The following CCDC13 variants were observed in gnomAD, a reference collection of about 807,000 sequenced individuals.
The protein encoded by CCDC13 is coiled-coil domain containing 13, also known as coiled-coil domain-containing protein 13.
Under a neutral mutation model 87.3 loss-of-function variants are expected in CCDC13, and 70 were observed. The observed-to-expected ratio is 0.80, with a 90% CI of 0.66 to 0.98. The LOEUF is 0.98. CCDC13 is among the 50% of genes least tolerant of loss of function. CCDC13 has a pLI of 0.00. For missense variants in CCDC13, 842 were observed against 892.0 expected (o/e 0.94, Z 0.71); for synonymous variants, 317 against 360.3 (o/e 0.88, Z 1.36).
intron 13 of CCDC13, among the ~76,000 whole-genome samples, chr3:42,722,934 C>G (rs1698601773): frequency 6.6e-6 from 1 of 151,536 alleles, no homozygotes; most frequent in Non-Finnish European, 1.5e-5. Flanking sequence ...GTAGCTGGGA[C>G]TACAGGTGCC....
At chr3:42,712,701 G>A (rs966261380) in intron 14 of CCDC13, among the ~76,000 whole-genome samples, 5 of 152,182 alleles carry the variant, frequency 3.3e-5, no homozygotes, top group African/African-American at 1.2e-4. Context: ...AAAACAGAGG[G>A]AGCTTGGGTC....
chr3:42,713,596 T>C (rs1417282205), intron 13 of CCDC13, among the ~76,000 whole-genome samples: 2 of 152,362 alleles, frequency 1.3e-5, no homozygotes, highest in East Asian at 3.9e-4. Context: ...TCTTTTAATA[T>C]TTACTGCCAT....
chr3:42,739,681 G>C lies in CCDC13; in HGVS notation c.1117C>G (p.Leu373Val), dbSNP rs149770741. The change falls in exon 9 of 16, where the codon CTG becomes GTG. Residue 373 changes from leucine to valine, a missense_variant. Leu to Val is a conservative substitution (Grantham distance 32). Coordinates refer to ENST00000310232, the MANE Select transcript of CCDC13 (RefSeq NM_144719.4). ...MKTLKSQMGTLVEKGRHDDEL... is the reference protein window; with the variant it reads ...MKTLKSQMGTVVEKGRHDDEL... ...TCATCATGCCGGCCCTTCTCCACCA[G>C]GGTTCCCATCTGACTCTTGAGGGTC... 222 of 1,614,076 alleles carry C rather than the reference G, an allele frequency of 1.4e-4. No individual in the cohort carries two copies. The highest frequency in any genetic ancestry group is 1.8e-4 in the Non-Finnish European group (213 of 1,180,032).
In CCDC13 at chr3:42,768,611, C is replaced by T. The variant is rs370370844; in HGVS notation, c.-7+4565G>A. Reference sequence around the variant, plus strand: ...ACTCGGAAGGCTGAGGCAGGAGAATCGCTTGAACCCGGGAGGTGGAGGTTG... The same window carrying T: ...ACTCGGAAGGCTGAGGCAGGAGAATTGCTTGAACCCGGGAGGTGGAGGTTG... On this transcript the variant is annotated intron_variant, in intron 1 of 15. Coordinates refer to ENST00000310232, the MANE Select transcript of CCDC13 (RefSeq NM_144719.4). Among the ~76,000 whole-genome samples, 49 of 151,904 alleles carry T rather than the reference C, an allele frequency of 3.2e-4. 1 individual carries two copies. The highest frequency in any genetic ancestry group is 3.1e-3 in the South Asian group (15 of 4,794).
At chr3:42,714,151 C>A (rs1374147809) in intron 13 of CCDC13, 1 of 152,242 alleles carries the variant, frequency 6.6e-6, no homozygotes, top group African/African-American at 2.4e-5. Flanking sequence ...TCCTCCACAG[C>A]AACTCTCTGA....
rs1699374863 is a variant in CCDC13 at position 42,745,773 on chromosome 3, TAAA to T, written c.825+147_825+149del. On this transcript the variant is annotated intron_variant, in intron 7 of 15. Transcript: ENST00000310232. ...AAAATCAGGCTGGTTGGCGAGAAGG[TAAA>T]ACAACAACCCCGCACGAGTGCACTG... 3 of 539,372 alleles carry T rather than the reference TAAA, an allele frequency of 5.6e-6. No homozygotes were observed. The South Asian group carries it at 9.7e-5, about 17-fold the overall frequency. 33.4% of individuals were successfully genotyped at this position (539,372 alleles called of 1,614,324 possible). A position where few individuals can be genotyped will look rare whatever the true frequency, so the allele number is the denominator to read the frequency against.
chr3:42,760,292 C>A (rs935508746), intron 1 of CCDC13, among the ~76,000 whole-genome samples: 7 of 144,770 alleles, frequency 4.8e-5, no homozygotes, highest in African/African-American at 1.3e-4. Flanking sequence ...ATTCTTGTCT[C>A]TAAATAAATA....
intron 1 of CCDC13, among the ~76,000 whole-genome samples, chr3:42,760,499 C>A (rs1699808097): frequency 6.6e-6 from 1 of 152,112 alleles, no homozygotes; most frequent in East Asian, 1.9e-4. Flanking sequence ...GGCCTGTAAT[C>A]CCAGTTACTC....
intron 13 of CCDC13, among the ~76,000 whole-genome samples, chr3:42,722,544 C>A (rs1698588606): frequency 6.6e-6 from 1 of 152,122 alleles, no homozygotes; most frequent in Non-Finnish European, 1.5e-5. Flanking sequence ...CTGGCCAAAA[C>A]CCACCAAAAC....
At chr3:42,769,332 A>T (rs1700003896) in intron 1 of CCDC13, among the ~76,000 whole-genome samples, 1 of 152,254 alleles carries the variant, frequency 6.6e-6, no homozygotes, top group Non-Finnish European at 1.5e-5. Flanking sequence ...TGACAACATC[A>T]AATGATGGCA....
At chr3:42,730,347 C>A (rs1698794536) in intron 13 of CCDC13, 120 bp downstream of exon 13, 1 of 1,410,504 alleles carries the variant, frequency 7.1e-7, no homozygotes, top group Non-Finnish European at 9.6e-7. Context: ...CTAGGAATGC[C>A]CTGGACCAAC....
chr3:42,712,388 C>T (rs1698332778), intron 14 of CCDC13, among the ~76,000 whole-genome samples: 1 of 152,126 alleles, frequency 6.6e-6, no homozygotes, highest in African/African-American at 2.4e-5. Context: ...GCTCTGGCAT[C>T]CTCCAGCTCG....
chr3:42,708,928 C>T lies in CCDC13; in HGVS notation c.*52G>A, dbSNP rs200473600. On this transcript the variant is annotated 3_prime_UTR_variant, in exon 16 of 16. Transcript: ENST00000310232. ...TGGAGTCCTCAGACAGAGTCTTATCCTCTCAAGACCTGAGGCTGCCCACCC... is the reference window on the plus strand; with the variant it reads ...TGGAGTCCTCAGACAGAGTCTTATCTTCTCAAGACCTGAGGCTGCCCACCC... 1.2e-5 allele frequency: 19 copies of T among 1,555,926 alleles called. No homozygotes were observed. The Admixed American group carries it at 2.2e-4, about 18-fold the overall frequency.
At position 42,745,946 on chromosome 3, in the gene CCDC13, G is replaced by A; in HGVS notation, c.802C>T (p.Gln268Ter). ...ACCTTGCTCTGCAAAACAAGAATTT[G>A]TTGAGCCCGACCCCTCCAGGTCCCT... ...SPGTWRGRAQ[Q>*]ILVLQSKVQE... The change falls in exon 7 of 16, where the codon CAA becomes TAA. Residue 268 changes from glutamine (Q) to a stop codon, truncating the protein, a stop_gained. Transcript: ENST00000310232. LOFTEE classifies it high-confidence loss of function. 1.2e-6 allele frequency: 2 copies of A among 1,613,980 alleles called. No homozygotes were observed. Among genetic ancestry groups the A allele is most frequent in the Non-Finnish European group, 1.7e-6 (2 of 1,179,916 alleles).
At chr3:42,733,052 G>C (rs1698886210) in intron 11 of CCDC13, 82 bp from the exon 12 acceptor site, 2 of 1,101,480 alleles carry the variant, frequency 1.8e-6, no homozygotes, top group Non-Finnish European at 2.6e-6. Context: ...GTGAGGTGGA[G>C]CAGTGGCCAG....
intron 9 of CCDC13, among the ~76,000 whole-genome samples, chr3:42,739,156 G>C (rs1699129367): frequency 6.6e-6 from 1 of 152,198 alleles, no homozygotes; most frequent in African/African-American, 2.4e-5. Context: ...GTTATCTAAT[G>C]AATTTGAGTC....
intron 9 of CCDC13, 82 bp from the exon 10 acceptor site, chr3:42,735,995 C>A (rs1699002351): frequency 3.7e-6 from 5 of 1,348,052 alleles, no homozygotes; most frequent in Non-Finnish European, 5.1e-6. Context: ...GCCTCCCTCA[C>A]CCCAAAGCAG....
chr3:42,751,881 A>G, intron 5 of CCDC13, 55 bp downstream of exon 5: 1 of 1,500,070 alleles, frequency 6.7e-7, no homozygotes. Flanking sequence ...GGAGGAGGGG[A>G]GGCCCAGGCC....
chr3:42,767,697 G>A (rs572636753), intron 1 of CCDC13, among the ~76,000 whole-genome samples: 187 of 152,322 alleles, frequency 1.2e-3, no homozygotes, highest in African/African-American at 4.0e-3. Context: ...TAGGCTAGGC[G>A]TGGTGGCTCA....
Sources: allele counts gnomAD v4.1 joint callset (sites outside exome capture counted in the v4.1 genomes callset), GRCh38; gene constraint gnomAD v4.1.1; transcripts MANE v1.5; gene names NCBI Gene and HGNC (gene_info 2026-07-23, HGNC 2026-07-21).